The following PCDHA4 variants were observed in gnomAD, a reference collection of about 807,000 sequenced individuals.
PCDHA4 encodes protocadherin alpha-4.
In PCDHA4, 49 loss-of-function variants were observed where a neutral mutation model predicts 61.4. The observed-to-expected ratio is 0.80, with a 90% confidence interval of 0.63 to 1.01. The LOEUF is 1.01. Among genes scored for constraint, PCDHA4 ranks in the 50% least tolerant of loss-of-function variants. PCDHA4 has a pLI of 0.00. For missense variants in PCDHA4, 1,254 were observed against 1,235.8 expected, an observed-to-expected ratio of 1.01 and a Z score of -0.22; for synonymous variants, 590 against 550.3, an observed-to-expected ratio of 1.07 and a Z score of -1.01.
chr5:140,843,630 T>C (rs1554140293), intron 1 of PCDHA4: 3 of 1,595,936 alleles, frequency 1.9e-6, no homozygotes, highest in Non-Finnish European at 2.6e-6. Flanking sequence ...ACGGACCTCA[T>C]GGCCTTCAGC....
chr5:140,843,522 C>A lies in PCDHA4; in HGVS notation c.2385+33950C>A, dbSNP rs1554140167. 1.9e-6 allele frequency: 3 copies of A among 1,595,678 alleles called. No individual in the cohort carries two copies. In the South Asian group the frequency reaches 3.3e-5, roughly 18 times the overall value. On this transcript the variant is annotated intron_variant, in intron 1 of 3. Transcript: ENST00000530339. ...CTGCCCACTGAGGGCGGGTGCCGGGCGGGCAAGCCCACTCTGGTGTGCTCC... is the reference window on the plus strand; with the variant it reads ...CTGCCCACTGAGGGCGGGTGCCGGGAGGGCAAGCCCACTCTGGTGTGCTCC...
chr5:140,838,613 A>T (rs1460772587), intron 1 of PCDHA4, among the ~76,000 whole-genome samples: 2 of 152,032 alleles, frequency 1.3e-5, no homozygotes, highest in African/African-American at 4.8e-5. Context: ...ACTTTTAAAA[A>T]TTTTTTACAA....
intron 1 of PCDHA4, among the ~76,000 whole-genome samples, chr5:140,973,993 G>T (rs1554235720): frequency 6.6e-6 from 1 of 152,122 alleles, no homozygotes. Flanking sequence ...ACTTCACCTG[G>T]ATCAATGTTT....
At chr5:140,869,355 G>A (rs782391359) in intron 1 of PCDHA4, 19 of 1,614,012 alleles carry the variant, frequency 1.2e-5, no homozygotes, top group Admixed American at 1.7e-5. Context: ...ATGGCATTTT[G>A]TTTGTGAATT....
In PCDHA4 at chr5:140,857,482, G is replaced by A. The variant is rs782347083; in HGVS notation, c.2385+47910G>A. On this transcript the variant is annotated intron_variant, in intron 1 of 3. Transcript: ENST00000530339. ...GCTGCCACATCTTCACGGTGTCTGC[G>A]TGGGACGCGGACGCGCAGGAGAACG... 2.3e-5 allele frequency: 36 copies of A among 1,598,422 alleles called. 1 individual carries two copies. The highest frequency in any genetic ancestry group is 2.6e-5 in the Non-Finnish European group (30 of 1,167,890).
chr5:140,882,882 T>C (rs1554175954), intron 1 of PCDHA4: 2 of 1,614,206 alleles, frequency 1.2e-6, no homozygotes, highest in Non-Finnish European at 1.7e-6. Context: ...AGAGAGGAAA[T>C]TCAGGAACAT....
chr5:140,884,138 G>A (rs782798249), intron 1 of PCDHA4: 3 of 1,613,410 alleles, frequency 1.9e-6, no homozygotes, highest in South Asian at 1.1e-5. Context: ...CCCGTTCCGC[G>A]TGGGGCTGTA....
At chr5:140,953,092 G>A (rs141861684) in intron 1 of PCDHA4, among the ~76,000 whole-genome samples, 2 of 152,252 alleles carry the variant, frequency 1.3e-5, no homozygotes, top group South Asian at 2.1e-4. Context: ...ATTACAATTT[G>A]ACATGAGATT....
chr5:140,990,205 G>T (rs2097380865), intron 3 of PCDHA4, among the ~76,000 whole-genome samples: 1 of 152,116 alleles, frequency 6.6e-6, no homozygotes, highest in Non-Finnish European at 1.5e-5. Context: ...ACCCGAAAGA[G>T]AACAAAGAGA....
At chr5:141,007,660 T>C (rs1392469115) in intron 3 of PCDHA4, among the ~76,000 whole-genome samples, 2 of 152,074 alleles carry the variant, frequency 1.3e-5, no homozygotes, top group Admixed American at 6.5e-5. Flanking sequence ...AAACCATAAA[T>C]TTACAAAGAC....
At chr5:140,938,187 C>A (rs1584944424) in intron 1 of PCDHA4, among the ~76,000 whole-genome samples, 1 of 152,276 alleles carries the variant, frequency 6.6e-6, no homozygotes, top group Non-Finnish European at 1.5e-5. Context: ...CTCAAGCAAT[C>A]CTCCCACGCC....
At chr5:140,813,988 ACT>A (rs1263124316) in intron 1 of PCDHA4, 3 of 152,518 alleles carry the variant, frequency 2.0e-5, no homozygotes, top group African/African-American at 7.2e-5. Context: ...ACAGAGTGAG[ACT>A]CTGTCTCAAT....
chr5:140,822,575 A>G (rs2150117387), intron 1 of PCDHA4: 13 of 1,610,462 alleles, frequency 8.1e-6, no homozygotes, highest in Non-Finnish European at 1.1e-5. Context: ...AACGCCTCAG[A>G]TGCAGATGAG....
At chr5:140,994,474 G>A (rs545568699) in intron 3 of PCDHA4, among the ~76,000 whole-genome samples, 27 of 152,078 alleles carry the variant, frequency 1.8e-4, no homozygotes, top group Non-Finnish European at 2.9e-4. Flanking sequence ...AGGCTGAGGC[G>A]GGTGGATTGC....
intron 1 of PCDHA4, chr5:140,884,480 A>G (rs782532542): frequency 6.2e-7 from 1 of 1,613,780 alleles, no homozygotes; most frequent in South Asian, 1.1e-5. Context: ...GGGCAAGCCC[A>G]CTCTAGTGTG....
intron 2 of PCDHA4, 125 bp downstream of exon 2, chr5:140,979,132 A>T: frequency 4.8e-6 from 7 of 1,471,500 alleles, no homozygotes; most frequent in Non-Finnish European, 6.3e-6. Context: ...TGCCAGGAAA[A>T]TGCAATTATT....
intron 1 of PCDHA4, chr5:140,860,872 G>C (rs923006368): frequency 1.3e-5 from 2 of 152,288 alleles, no homozygotes; most frequent in African/African-American, 4.8e-5. Context: ...GGAGTAGCTG[G>C]GACTACAGGT....
intron 1 of PCDHA4, chr5:140,856,542 C>T (rs1229307542): frequency 6.3e-7 from 1 of 1,598,136 alleles, no homozygotes; most frequent in Non-Finnish European, 8.6e-7. Flanking sequence ...GGAGAGAACG[C>T]ATTGCTTACT....
At chr5:140,882,346 G>T (rs146510190) in intron 1 of PCDHA4, 36 of 1,614,194 alleles carry the variant, frequency 2.2e-5, no homozygotes, top group Non-Finnish European at 2.9e-5. Flanking sequence ...CCTGGGAGAC[G>T]GGTAGTGGCC....
Sources: allele counts gnomAD v4.1 joint callset (sites outside exome capture counted in the v4.1 genomes callset), GRCh38; gene constraint gnomAD v4.1.1; transcripts MANE v1.5; gene names NCBI Gene and HGNC (gene_info 2026-07-23, HGNC 2026-07-21).